The following PCNX2 variants were observed in gnomAD, a reference collection of about 807,000 sequenced individuals.
PCNX2 encodes pecanex-like protein 2.
A neutral mutation model predicts 223.8 loss-of-function variants in PCNX2; 168 were observed. That is an observed-to-expected ratio of 0.75 (90% CI 0.66 to 0.85). PCNX2 has a LOEUF of 0.85. Among genes scored for constraint, PCNX2 ranks in the 40% least tolerant of loss-of-function variants. The pLI is 0.00. For missense variants in PCNX2, 2,507 were observed against 2,675.5 expected (o/e 0.94, Z 1.39); for synonymous variants, 1,006 against 1,052.6 (o/e 0.96, Z 0.86).
At chr1:233,277,260 C>T (rs1445760180) in intron 1 of PCNX2, among the ~76,000 whole-genome samples, 9 of 152,178 alleles carry the variant, frequency 5.9e-5, no homozygotes, top group Non-Finnish European at 1.5e-5. Context: ...GGAGGCCTGG[C>T]GTGGCCTGCT....
At chr1:233,122,507 T>G (rs1231119858) in intron 21 of PCNX2, among the ~76,000 whole-genome samples, 1 of 149,770 alleles carries the variant, frequency 6.7e-6, no homozygotes, top group African/African-American at 2.5e-5. Context: ...AATATGATGA[T>G]TCATGTTAAT....
chr1:233,025,318 C>T lies in PCNX2; in HGVS notation c.4433G>A (p.Gly1478Asp). 1 of 1,614,004 alleles carries T rather than the reference C, an allele frequency of 6.2e-7. No individual in the cohort carries two copies. The highest frequency in any genetic ancestry group is 8.5e-7 in the Non-Finnish European group (1 of 1,179,900). Residue 1478 changes from glycine to aspartate, a missense_variant, in exon 26 of 34, where the codon GGC becomes GAC. Physicochemically the swap from Gly to Asp is moderately conservative, Grantham distance 94 (BLOSUM62 -1). Coordinates refer to ENST00000258229, the MANE Select transcript of PCNX2 (RefSeq NM_014801.4). ...GCAGGACAGCAGGTGAGGCAAGTGG[C>T]CTGGTTTGCAGCAGCAGCAGCCTCT... The part of the protein sequence containing the change: ...EDRGCCCCKP[G>D]HLPHLLSCNA...
At chr1:233,220,325 G>A (rs1333615342) in intron 10 of PCNX2, among the ~76,000 whole-genome samples, 1 of 152,180 alleles carries the variant, frequency 6.6e-6, no homozygotes, top group African/African-American at 2.4e-5. Flanking sequence ...AGATCGTGTG[G>A]TGAACAATAT....
chr1:233,116,093 A>G (rs1312931332), intron 21 of PCNX2, among the ~76,000 whole-genome samples: 16 of 152,212 alleles, frequency 1.1e-4, no homozygotes, highest in Admixed American at 9.2e-4. Flanking sequence ...TTCTAAATGT[A>G]TATATAACAA....
At chr1:233,140,618 G>C (rs1052304366) in intron 19 of PCNX2, among the ~76,000 whole-genome samples, 9 of 152,320 alleles carry the variant, frequency 5.9e-5, no homozygotes, top group African/African-American at 1.9e-4. Flanking sequence ...GCAGGAGATG[G>C]GGTAATGAGG....
At chr1:233,188,853 T>C (rs1263709858) in intron 15 of PCNX2, among the ~76,000 whole-genome samples, 1 of 152,182 alleles carries the variant, frequency 6.6e-6, no homozygotes, top group Non-Finnish European at 1.5e-5. Flanking sequence ...TAATTTAAGT[T>C]AAAGTTACCT....
chr1:233,106,490 C>T (rs1347052758), intron 21 of PCNX2, among the ~76,000 whole-genome samples: 1 of 151,730 alleles, frequency 6.6e-6, no homozygotes, highest in Non-Finnish European at 1.5e-5. Context: ...GTAGCTGTGA[C>T]TGCAGGCACG....
intron 23 of PCNX2, among the ~76,000 whole-genome samples, chr1:233,079,669 G>A (rs1673267148): frequency 6.6e-6 from 1 of 152,104 alleles, no homozygotes; most frequent in African/African-American, 2.4e-5. Context: ...AGAATTCAGT[G>A]GCTCACAAAG....
chr1:233,207,995 G>A (rs1681579857), intron 13 of PCNX2, among the ~76,000 whole-genome samples: 1 of 150,868 alleles, frequency 6.6e-6, no homozygotes, highest in South Asian at 2.1e-4. Context: ...CACTCTTGTT[G>A]CCCAAGCTGG....
chr1:233,181,587 CTGATA>C lies in PCNX2; in HGVS notation c.3067-2417_3067-2413del, dbSNP rs983512153. 1.4e-4 allele frequency among the ~76,000 whole-genome samples: 22 copies of C among 152,298 alleles called. 1 individual carries two copies. Among genetic ancestry groups the C allele is most frequent in the East Asian group, 7.7e-4 (4 of 5,180 alleles). On this transcript the variant is annotated intron_variant, in intron 15 of 33. Transcript: ENST00000258229. ...CTACTGTACTCTTAGTCTGTTCGGG[CTGATA>C]TAAGAAAATATCATAGACTGGGTGG...
At position 233,139,749 on chromosome 1, in the gene PCNX2, T is replaced by C. The variant is rs1677001434; in HGVS notation, c.3624A>G (p.Ala1208=). The C allele has an allele frequency of 6.2e-7, 1 of 1,609,262 alleles. No individual in the cohort carries two copies. The highest frequency in any genetic ancestry group is 1.3e-5 in the African/African-American group (1 of 74,884). The change falls in exon 20 of 34, where the codon GCA becomes GCG. Residue 1208 remains alanine, a synonymous_variant. Coordinates refer to ENST00000258229, the MANE Select transcript of PCNX2 (RefSeq NM_014801.4). This position sits in a 1 kb window ranked among gnomAD's most constrained non-coding sequence, Gnocchi z 4.4. ...ALILNALTID[A]FLISNHRRLG... ...GTCTCCGGTGATTGCTTATTAAAAA[T>C]GCATCAATAGTGAGGGCATTCAAAA...
chr1:233,287,859 T>C (rs1188545548), intron 1 of PCNX2, among the ~76,000 whole-genome samples: 2 of 152,158 alleles, frequency 1.3e-5, no homozygotes, highest in African/African-American at 2.4e-5. Flanking sequence ...GGAATAATGA[T>C]GGTGCCTCAC....
At chr1:233,215,418 T>C (rs1429792220) in intron 12 of PCNX2, among the ~76,000 whole-genome samples, 2 of 152,236 alleles carry the variant, frequency 1.3e-5, no homozygotes, top group Non-Finnish European at 2.9e-5. Context: ...TCATACTGTC[T>C]CACTATATGA....
Position 233,028,219 on chromosome 1 carries a change from T to A in PCNX2, c.4352-2820A>T, listed in dbSNP as rs1259921437. Among the ~76,000 whole-genome samples, 3 of 152,226 alleles carry A rather than the reference T, an allele frequency of 2.0e-5. No individual in the cohort carries two copies. In the East Asian group the frequency reaches 5.8e-4, roughly 29 times the overall value. ...ACATCTGTATTCTGCTGTTGCTACATGAAGTGTTCTGTAAATGTCAATTAG... is the reference window on the plus strand; with the variant it reads ...ACATCTGTATTCTGCTGTTGCTACAAGAAGTGTTCTGTAAATGTCAATTAG... On this transcript the variant is annotated intron_variant, in intron 25 of 33. Coordinates refer to ENST00000258229, the MANE Select transcript of PCNX2 (RefSeq NM_014801.4).
intron 32 of PCNX2, among the ~76,000 whole-genome samples, chr1:232,996,165 A>G (rs1048274162): frequency 1.3e-5 from 2 of 152,138 alleles, no homozygotes; most frequent in African/African-American, 2.4e-5. Flanking sequence ...CCCGGCCTCC[A>G]ATTTCTTTTC....
chr1:233,166,343 A>G (rs984831768), intron 17 of PCNX2, among the ~76,000 whole-genome samples: 1 of 152,156 alleles, frequency 6.6e-6, no homozygotes, highest in African/African-American at 2.4e-5. Flanking sequence ...TTTGGCAAAG[A>G]TTTCTTAAAT....
At chr1:233,059,395 AC>A (rs933558237) in intron 23 of PCNX2, among the ~76,000 whole-genome samples, 5 of 152,088 alleles carry the variant, frequency 3.3e-5, no homozygotes, top group African/African-American at 1.2e-4. Context: ...CCTCAAAACT[AC>A]CCTCTGAGGT....
At chr1:233,237,836 A>G (rs6700820) in intron 8 of PCNX2, among the ~76,000 whole-genome samples, 110,985 of 151,996 alleles carry the variant, frequency 0.73, 40,632 homozygotes, top group Middle Eastern at 0.75. Flanking sequence ...TAAGCCATTC[A>G]CCCTGGCCAG....
intron 22 of PCNX2, chr1:233,095,522 G>C (rs1674108152): frequency 3.7e-6 from 2 of 534,320 alleles, no homozygotes; most frequent in Non-Finnish European, 6.7e-6. Flanking sequence ...GGAAGGACCA[G>C]AAAAAATAAA....
Sources: gnomAD v4.1 joint callset for allele counts (sites outside exome capture counted in the v4.1 genomes callset) on GRCh38, gnomAD v4.1.1 for gene constraint, Gnocchi (gnomAD v3.1) non-coding constraint, MANE v1.5 for transcripts, NCBI Gene and HGNC (gene_info 2026-07-23, HGNC 2026-07-21) for gene names.